Variants in ZSWIM6 observed in about 807,000 individuals in gnomAD.
The protein encoded by ZSWIM6 is zinc finger SWIM domain-containing protein 6.
ZSWIM6 carries 9 observed loss-of-function variants against 113.2 expected under a neutral mutation model. The observed-to-expected ratio is 0.08, with a 90% CI of 0.05 to 0.14. The LOEUF (loss-of-function observed/expected upper bound fraction) is 0.14. Among genes scored for constraint, ZSWIM6 ranks in the 10% least tolerant of loss-of-function variants. The probability of loss-of-function intolerance (pLI) is 1.00; values close to 1 mark genes in which losing one functional copy is unlikely to be tolerated. For synonymous variants in ZSWIM6, 611 were observed against 606.5 expected, an observed-to-expected ratio of 1.01 and a Z score of -0.11; for missense variants, 1,162 against 1,552.2, an observed-to-expected ratio of 0.75 and a Z score of 4.22.
At chr5:61,493,172 A>T (rs1748224610) in intron 3 of ZSWIM6, among the ~76,000 whole-genome samples, 2 of 152,080 alleles carry the variant, frequency 1.3e-5, no homozygotes, top group Non-Finnish European at 2.9e-5. Flanking sequence ...TGTGGTTATT[A>T]TTCTGCTTCA....
intron 1 of ZSWIM6, among the ~76,000 whole-genome samples, chr5:61,343,493 T>A (rs1416602998): frequency 6.6e-6 from 1 of 152,212 alleles, no homozygotes; most frequent in African/African-American, 2.4e-5. Flanking sequence ...AGATTAGAAT[T>A]TTGTATACGC....
At chr5:61,531,838 C>T (rs1749443451) in intron 9 of ZSWIM6, 113 bp downstream of exon 9, 2 of 1,197,450 alleles carry the variant, frequency 1.7e-6, no homozygotes, top group Non-Finnish European at 2.3e-6. Flanking sequence ...ATCCTGATTG[C>T]TATAGTCATG....
chr5:61,427,315 T>C (rs1746481845), intron 1 of ZSWIM6, among the ~76,000 whole-genome samples: 1 of 152,184 alleles, frequency 6.6e-6, no homozygotes, highest in African/African-American at 2.4e-5. Context: ...TGCATATATA[T>C]TTGCATGTAA....
intron 1 of ZSWIM6, among the ~76,000 whole-genome samples, chr5:61,362,125 A>G (rs910753963): frequency 6.6e-6 from 1 of 152,134 alleles, no homozygotes; most frequent in Non-Finnish European, 1.5e-5. Flanking sequence ...TCTTTACTTT[A>G]TAAACATTCT....
intron 1 of ZSWIM6, among the ~76,000 whole-genome samples, chr5:61,447,757 A>G (rs1022159034): frequency 6.6e-6 from 1 of 152,220 alleles, no homozygotes; most frequent in African/African-American, 2.4e-5. Flanking sequence ...AAGTAGCTGC[A>G]CAGAAAGCCA....
intron 1 of ZSWIM6, chr5:61,375,454 T>C (rs1325743659): frequency 3.9e-6 from 6 of 1,538,674 alleles, no homozygotes; most frequent in African/African-American, 2.7e-5. Context: ...CTCTGATTCT[T>C]CCAGCAGTTC....
At chr5:61,528,180 C>T (rs1381153598) in intron 7 of ZSWIM6, among the ~76,000 whole-genome samples, 1 of 152,014 alleles carries the variant, frequency 6.6e-6, no homozygotes, top group African/African-American at 2.4e-5. Context: ...ATAACAGCTA[C>T]TTGTTATGGG....
chr5:61,346,964 A>C (rs1744672444), intron 1 of ZSWIM6, among the ~76,000 whole-genome samples: 1 of 152,238 alleles, frequency 6.6e-6, no homozygotes, highest in African/African-American at 2.4e-5. Context: ...GTACAGATTC[A>C]AGTTTCATTC....
At chr5:61,339,231 A>G (rs1744476160) in intron 1 of ZSWIM6, among the ~76,000 whole-genome samples, 1 of 152,154 alleles carries the variant, frequency 6.6e-6, no homozygotes, top group South Asian at 2.1e-4. Context: ...ACATGGTGAA[A>G]CCCTATCTCT....
At chr5:61,382,989 A>G (rs1745516460) in intron 1 of ZSWIM6, among the ~76,000 whole-genome samples, 1 of 152,182 alleles carries the variant, frequency 6.6e-6, no homozygotes, top group African/African-American at 2.4e-5. Context: ...TTAATCTCCA[A>G]ACACCTTTCC....
chr5:61,379,548 CAA>C (rs1745437111), intron 1 of ZSWIM6, among the ~76,000 whole-genome samples: 1 of 152,078 alleles, frequency 6.6e-6, no homozygotes, highest in Non-Finnish European at 1.5e-5. Flanking sequence ...TATATGAAGA[CAA>C]ATAATTTAAT....
At chr5:61,533,387 A>G (rs1749493786) in intron 9 of ZSWIM6, among the ~76,000 whole-genome samples, 2 of 152,250 alleles carry the variant, frequency 1.3e-5, no homozygotes, top group African/African-American at 4.8e-5. Context: ...ATATCTGGAA[A>G]GAGGAAGGAG....
intron 1 of ZSWIM6, among the ~76,000 whole-genome samples, chr5:61,339,110 G>C (rs1235548795): frequency 6.6e-6 from 1 of 152,200 alleles, no homozygotes; most frequent in Non-Finnish European, 1.5e-5. Context: ...TCACGGTTAA[G>C]AATGTGTGAT....
At chr5:61,469,013 C>T (rs184515782) in intron 1 of ZSWIM6, among the ~76,000 whole-genome samples, 3 of 152,222 alleles carry the variant, frequency 2.0e-5, no homozygotes, top group Non-Finnish European at 4.4e-5. Context: ...AGCCCCCGCC[C>T]GCCAAACAAA....
chr5:61,390,819 G>T, intron 1 of ZSWIM6: 1 of 800,134 alleles, frequency 1.2e-6, no homozygotes. Flanking sequence ...CCGTTTGGTT[G>T]GCACTGGCAA....
rs111561331 is a variant in ZSWIM6, at chr5:61,469,267, G to A, written c.677-3414G>A. On this transcript the variant is annotated intron_variant, in intron 1 of 13. Transcript: ENST00000252744. ...ACCCTAAATGGTCTCCTGATTAGGC[G>A]GGCAGAGTAGAATTTGTGACATTTA... Among the ~76,000 whole-genome samples the A allele has an allele frequency of 2.8e-4, 43 of 152,262 alleles. 2 individuals are homozygous for A. The highest frequency in any genetic ancestry group is 1.0e-3 in the African/African-American group (42 of 41,546).
intron 1 of ZSWIM6, among the ~76,000 whole-genome samples, chr5:61,405,394 G>A (rs1447686206): frequency 6.6e-6 from 1 of 152,090 alleles, no homozygotes; most frequent in East Asian, 1.9e-4. Context: ...TTTTATTAGT[G>A]AGAATTTAAA....
At chr5:61,499,001 A>G (rs1258759990) in intron 4 of ZSWIM6, among the ~76,000 whole-genome samples, 4 of 152,054 alleles carry the variant, frequency 2.6e-5, no homozygotes, top group Admixed American at 1.3e-4. Context: ...ATTCAAACTA[A>G]CTCAAGCTTG....
At chr5:61,404,130 C>T (rs1745998982) in intron 1 of ZSWIM6, among the ~76,000 whole-genome samples, 1 of 152,038 alleles carries the variant, frequency 6.6e-6, no homozygotes, top group African/African-American at 2.4e-5. Flanking sequence ...GCCTCAGCCT[C>T]CCGAGCAGCT....
Sources: gnomAD v4.1 joint callset for allele counts (sites outside exome capture counted in the v4.1 genomes callset) on GRCh38, gnomAD v4.1.1 for gene constraint, MANE v1.5 for transcripts, NCBI Gene and HGNC (gene_info 2026-07-23, HGNC 2026-07-21) for gene names.